SNAP25: variants seen among roughly 807,000 people sequenced by gnomAD.
SNAP25 encodes the protein synaptosome associated protein 25.
In SNAP25, 3 loss-of-function variants were observed where a neutral mutation model predicts 28.7. The ratio of observed to expected loss-of-function variants is 0.10; its 90% CI spans 0.05 to 0.27. SNAP25 has a LOEUF of 0.27. SNAP25 is among the 10% of genes least tolerant of loss of function. The probability of loss-of-function intolerance (pLI) is 1.00; values close to 1 mark genes in which losing one functional copy is unlikely to be tolerated. For synonymous variants in SNAP25, 61 were observed against 88.1 expected (o/e 0.69, Z 1.72); for missense variants, 117 against 278.7 (o/e 0.42, Z 4.13).
At chr20:10,259,021 G>C (rs914000753) in intron 1 of SNAP25, among the ~76,000 whole-genome samples, 3 of 152,176 alleles carry the variant, frequency 2.0e-5, no homozygotes, top group African/African-American at 7.2e-5. Flanking sequence ...GTAGGTTGGC[G>C]TATAGTAGGC....
At chr20:10,248,763 A>G (rs190689009) in intron 1 of SNAP25, among the ~76,000 whole-genome samples, 2 of 152,310 alleles carry the variant, frequency 1.3e-5, no homozygotes, top group African/African-American at 4.8e-5. Context: ...TCCACATCCA[A>G]TGTTACTCAA....
chr20:10,288,843 G>T (rs1441291193), intron 4 of SNAP25, among the ~76,000 whole-genome samples: 1 of 150,588 alleles, frequency 6.6e-6, no homozygotes, highest in Non-Finnish European at 1.5e-5. Flanking sequence ...TTTTAATTAG[G>T]CAGTAGAGAC....
intron 5 of SNAP25, among the ~76,000 whole-genome samples, chr20:10,294,490 A>C (rs1180372464): frequency 6.6e-6 from 1 of 152,230 alleles, no homozygotes; most frequent in East Asian, 1.9e-4. Context: ...AAAAAAAATC[A>C]CATCAGAAAT....
At chr20:10,288,699 A>T (rs1322869895) in intron 4 of SNAP25, among the ~76,000 whole-genome samples, 5 of 152,156 alleles carry the variant, frequency 3.3e-5, no homozygotes, top group Non-Finnish European at 2.9e-5. Flanking sequence ...GTTTTACCAG[A>T]TGTGTGGTGA....
intron 5 of SNAP25, among the ~76,000 whole-genome samples, chr20:10,296,020 C>T (rs890279735): frequency 1.3e-5 from 2 of 152,188 alleles, no homozygotes; most frequent in Admixed American, 1.3e-4. Context: ...ACTGAACCTG[C>T]GTTTCAAATC....
chr20:10,275,064 G>A (rs1352986598), intron 1 of SNAP25, among the ~76,000 whole-genome samples: 1 of 111,944 alleles, frequency 8.9e-6, no homozygotes, highest in Non-Finnish European at 1.8e-5. Flanking sequence ...CCTTAATAGA[G>A]CTATTTAAAT....
chr20:10,241,407 T>C (rs904944296), intron 1 of SNAP25, among the ~76,000 whole-genome samples: 7 of 152,110 alleles, frequency 4.6e-5, no homozygotes, highest in Non-Finnish European at 8.8e-5. Context: ...TTACTGAGCA[T>C]CTATTACATG....
intron 1 of SNAP25, among the ~76,000 whole-genome samples, chr20:10,265,768 C>A (rs960762582): frequency 1.3e-5 from 2 of 152,124 alleles, no homozygotes; most frequent in Admixed American, 1.3e-4. Flanking sequence ...CACAGAGTCA[C>A]CCCCAAGGTG....
At chr20:10,301,038 T>C (rs1422450631) in intron 7 of SNAP25, among the ~76,000 whole-genome samples, 1 of 152,190 alleles carries the variant, frequency 6.6e-6, no homozygotes, top group East Asian at 1.9e-4. Flanking sequence ...TACTTGCAGA[T>C]GCAGCTAGAT....
intron 1 of SNAP25, among the ~76,000 whole-genome samples, chr20:10,273,827 G>A (rs362584): frequency 0.24 from 36,985 of 152,078 alleles, 4,765 homozygotes; most frequent in Middle Eastern, 0.33. Flanking sequence ...TTCTTCAAAT[G>A]TGCTACTCAC....
chr20:10,286,706 A>T (rs1057139050), intron 4 of SNAP25, among the ~76,000 whole-genome samples: 4 of 152,204 alleles, frequency 2.6e-5, no homozygotes, highest in Non-Finnish European at 5.9e-5. Context: ...CTTTTTCAAT[A>T]AATATATACC....
intron 1 of SNAP25, among the ~76,000 whole-genome samples, chr20:10,262,980 T>C (rs990190488): frequency 2.7e-5 from 4 of 148,048 alleles, no homozygotes; most frequent in Non-Finnish European, 5.9e-5. Context: ...CCACTCCCAG[T>C]GGATCAGGCG....
At chr20:10,277,968 A>G in intron 3 of SNAP25, 1 of 370,230 alleles carries the variant, frequency 2.7e-6, no homozygotes, top group Non-Finnish European at 4.8e-6. Flanking sequence ...GCAGAGAATA[A>G]TAGAATTTCC....
In SNAP25 at chr20:10,281,404, G is replaced by T. The variant is rs551829812; in HGVS notation, c.115-3320G>T. 1.1e-4 allele frequency among the ~76,000 whole-genome samples: 17 copies of T among 152,300 alleles called. No individual in the cohort carries two copies. In the South Asian group the frequency reaches 2.1e-3, roughly 19 times the overall value. On this transcript the variant is annotated intron_variant, in intron 3 of 7. Transcript: ENST00000254976. The stretch of plus-strand genomic sequence containing the variant: ...TGATAGAAGCTGTCAGCAAAAGAGT[G>T]GAGCCAAACGCAAGTTCTAACATGT...
intron 6 of SNAP25, 105 bp downstream of exon 6, chr20:10,297,155 T>C (rs1751750388): frequency 1.5e-6 from 2 of 1,329,376 alleles, no homozygotes; most frequent in Non-Finnish European, 2.0e-6. Flanking sequence ...TGCTCATTAA[T>C]CTACATACCT....
intron 5 of SNAP25, among the ~76,000 whole-genome samples, chr20:10,294,880 G>A (rs1187334057): frequency 1.3e-5 from 2 of 151,780 alleles, no homozygotes; most frequent in Non-Finnish European, 2.9e-5. Context: ...GCCCCCAGGT[G>A]AGATTTCCAT....
intron 7 of SNAP25, among the ~76,000 whole-genome samples, chr20:10,300,482 A>T (rs2064210313): frequency 6.6e-6 from 1 of 152,140 alleles, no homozygotes; most frequent in Non-Finnish European, 1.5e-5. Flanking sequence ...TCCCTGGGAG[A>T]CGTTGAAGTT....
chr20:10,247,060 G>T (rs2063141813), intron 1 of SNAP25, among the ~76,000 whole-genome samples: 1 of 152,128 alleles, frequency 6.6e-6, no homozygotes, highest in African/African-American at 2.4e-5. Flanking sequence ...GTCAACTATG[G>T]TGTTTCTAAG....
At chr20:10,244,143 A>G (rs184695502) in intron 1 of SNAP25, among the ~76,000 whole-genome samples, 189 of 152,348 alleles carry the variant, frequency 1.2e-3, no homozygotes, top group African/African-American at 4.2e-3. Flanking sequence ...GATAATGCCT[A>G]TAAGGTTTTG....
Sources: gnomAD v4.1 joint callset for allele counts (sites outside exome capture counted in the v4.1 genomes callset) on GRCh38, gnomAD v4.1.1 for gene constraint, MANE v1.5 for transcripts, NCBI Gene and HGNC (gene_info 2026-07-23, HGNC 2026-07-21) for gene names.